The following PDE1C variants were observed in gnomAD, a reference collection of about 807,000 sequenced individuals.
The protein encoded by PDE1C is dual specificity calcium/calmodulin-dependent 3',5'-cyclic nucleotide phosphodiesterase 1C.
In PDE1C, 62 loss-of-function variants were observed where a neutral mutation model predicts 93.1. That is an observed-to-expected ratio of 0.67 (90% CI 0.54 to 0.82). The LOEUF is 0.82. Among genes scored for constraint, PDE1C ranks in the 40% least tolerant of loss-of-function variants. The pLI is 0.00. For synonymous variants in PDE1C, 325 were observed against 310.1 expected, an observed-to-expected ratio of 1.05 and a Z score of -0.50; for missense variants, 742 against 884.6, an observed-to-expected ratio of 0.84 and a Z score of 2.04.
chr7:31,632,473 T>G, the PDE1C span, among the ~76,000 whole-genome samples: 1 of 151,996 alleles, frequency 6.6e-6, no homozygotes, highest in African/African-American at 2.4e-5. Flanking sequence ...AAAATAAAAA[T>G]TATCCATGAC....
the PDE1C span, among the ~76,000 whole-genome samples, chr7:31,669,139 A>C: frequency 6.6e-6 from 1 of 152,176 alleles, no homozygotes; most frequent in African/African-American, 2.4e-5. Flanking sequence ...TAGTCTGGCT[A>C]CCTTGTTGGT....
chr7:32,084,002 T>C lies in PDE1C; in HGVS notation c.308+85783A>G, dbSNP rs989873988. On this transcript the variant is annotated intron_variant, in intron 3 of 18. Coordinates refer to the PDE1C transcript ENST00000396193. ...ACAGGATCAAATTCACACATAACAA[T>C]ATTAACTTTAAATGTAAATGGACTA... 2.0e-5 allele frequency among the ~76,000 whole-genome samples: 3 copies of C among 150,316 alleles called. No individual in the cohort carries two copies. The East Asian group carries it at 5.9e-4, about 30-fold the overall frequency.
At chr7:31,916,329 T>A (rs762279177) in intron 2 of PDE1C, among the ~76,000 whole-genome samples, 2 of 152,168 alleles carry the variant, frequency 1.3e-5, no homozygotes, top group Non-Finnish European at 2.9e-5. Flanking sequence ...TAAGTGATTG[T>A]CAAATAAAAT....
intron 1 of PDE1C, among the ~76,000 whole-genome samples, chr7:32,289,995 C>CTT (rs952412960): frequency 8.5e-5 from 13 of 152,304 alleles, no homozygotes; most frequent in Non-Finnish European, 1.6e-4. Flanking sequence ...GCTTTGGACC[C>CTT]TTGTCCAGAA....
At chr7:32,253,271 C>T (rs1284614648) in intron 1 of PDE1C, among the ~76,000 whole-genome samples, 1 of 152,168 alleles carries the variant, frequency 6.6e-6, no homozygotes, top group Non-Finnish European at 1.5e-5. Context: ...CTCCCTGAAG[C>T]CTTATTTAAA....
At chr7:32,050,425 C>T (rs750138998) in intron 2 of PDE1C, among the ~76,000 whole-genome samples, 3 of 151,962 alleles carry the variant, frequency 2.0e-5, no homozygotes, top group Non-Finnish European at 2.9e-5. Context: ...CATGGGAGAC[C>T]GTCTGTGCCA....
At chr7:32,157,075 C>T (rs1801618220) in intron 3 of PDE1C, among the ~76,000 whole-genome samples, 1 of 152,104 alleles carries the variant, frequency 6.6e-6, no homozygotes, top group Non-Finnish European at 1.5e-5. Flanking sequence ...ATCAGAAAAA[C>T]CAAATTGAGG....
chr7:32,252,534 C>T (rs1047952161), intron 1 of PDE1C, among the ~76,000 whole-genome samples: 2 of 152,178 alleles, frequency 1.3e-5, no homozygotes, highest in Admixed American at 6.5e-5. Flanking sequence ...ATTAAATCCA[C>T]AGCAAGGGCA....
At chr7:31,846,223 C>CTTTT (rs200755773) in intron 9 of PDE1C, among the ~76,000 whole-genome samples, 1 of 142,392 alleles carries the variant, frequency 7.0e-6, no homozygotes. Context: ...TTTTACTTTT[C>CTTTT]TTTTTTTTTC....
At chr7:32,346,534 A>G (rs1783855914) in intron 1 of PDE1C, among the ~76,000 whole-genome samples, 1 of 152,214 alleles carries the variant, frequency 6.6e-6, no homozygotes, top group East Asian at 1.9e-4. Flanking sequence ...TCACCTTGAG[A>G]CTATCTCCAT....
chr7:31,843,556 T>C (rs1792180457), intron 9 of PDE1C, among the ~76,000 whole-genome samples: 1 of 151,846 alleles, frequency 6.6e-6, no homozygotes, highest in African/African-American at 2.4e-5. Context: ...ACTTTTACTT[T>C]GAACCTTTTT....
chr7:32,137,687 T>C (rs1431425220), intron 3 of PDE1C, among the ~76,000 whole-genome samples: 2 of 152,210 alleles, frequency 1.3e-5, no homozygotes, highest in Non-Finnish European at 2.9e-5. Flanking sequence ...ATTCGACCTA[T>C]TATTCAAGTT....
At chr7:32,420,720 AAT>A (rs1286691159) in intron 1 of PDE1C, among the ~76,000 whole-genome samples, 1 of 141,826 alleles carries the variant, frequency 7.1e-6, no homozygotes, top group African/African-American at 2.7e-5. Flanking sequence ...AACTGGTTAA[AAT>A]ATTTTTTTTA....
At chr7:32,187,172 T>C (rs889429601) in intron 2 of PDE1C, among the ~76,000 whole-genome samples, 2 of 152,076 alleles carry the variant, frequency 1.3e-5, no homozygotes, top group Admixed American at 1.3e-4. Flanking sequence ...CTTTCTTTTA[T>C]TTTCAGAGAC....
chr7:31,802,082 C>T (rs1040331456), intron 16 of PDE1C, among the ~76,000 whole-genome samples: 2 of 151,462 alleles, frequency 1.3e-5, no homozygotes, highest in South Asian at 2.1e-4. Context: ...AACTGATTTG[C>T]TTTGTTTTAA....
chr7:32,181,563 G>C (rs1016623793), intron 2 of PDE1C, among the ~76,000 whole-genome samples: 10 of 152,034 alleles, frequency 6.6e-5, no homozygotes, highest in African/African-American at 2.4e-4. Flanking sequence ...GGTACATAAC[G>C]AAATGAAGGC....
chr7:32,181,116 C>T (rs1281590223), intron 2 of PDE1C, among the ~76,000 whole-genome samples: 1 of 152,126 alleles, frequency 6.6e-6, no homozygotes, highest in Admixed American at 6.5e-5. Flanking sequence ...AACTTATATG[C>T]ACCCAATACA....
At chr7:31,988,238 G>T (rs2129070547) in intron 2 of PDE1C, among the ~76,000 whole-genome samples, 1 of 152,298 alleles carries the variant, frequency 6.6e-6, no homozygotes, top group South Asian at 2.1e-4. Flanking sequence ...CAAGGCTTTG[G>T]ATTCTGTCCA....
chr7:32,006,665 G>A (rs553271735), intron 2 of PDE1C, among the ~76,000 whole-genome samples: 143 of 152,314 alleles, frequency 9.4e-4, no homozygotes, highest in African/African-American at 3.3e-3. Flanking sequence ...AGGCACAGCA[G>A]GAAACAAAAC....
Sources: allele counts gnomAD v4.1 joint callset (sites outside exome capture counted in the v4.1 genomes callset), GRCh38; gene constraint gnomAD v4.1.1; transcripts MANE v1.5; gene names NCBI Gene and HGNC (gene_info 2026-07-23, HGNC 2026-07-21).